The following NRP1 variants were observed in gnomAD, a reference collection of about 807,000 sequenced individuals.
NRP1 encodes neuropilin-1.
NRP1 carries 35 observed loss-of-function variants against 106.7 expected under a neutral mutation model. The observed-to-expected ratio is 0.33, with a 90% CI of 0.25 to 0.43. The LOEUF (loss-of-function observed/expected upper bound fraction) is 0.43, where lower values mean the gene tolerates loss of function less well. NRP1 is among the 20% of genes least tolerant of loss of function. The pLI is 1.00. For synonymous variants in NRP1, 437 were observed against 417.9 expected, an observed-to-expected ratio of 1.05 and a Z score of -0.56; for missense variants, 1,024 against 1,170.4, an observed-to-expected ratio of 0.87 and a Z score of 1.83.
intron 2 of NRP1, among the ~76,000 whole-genome samples, chr10:33,328,035 A>ATAAAG: frequency 6.6e-6 from 1 of 152,088 alleles, no homozygotes; most frequent in Non-Finnish European, 1.5e-5. Context: ...CAGTTGGGAC[A>ATAAAG]ATTAAGAAAT....
At chr10:33,293,304 A>G (rs1017410265) in intron 2 of NRP1, among the ~76,000 whole-genome samples, 3 of 152,174 alleles carry the variant, frequency 2.0e-5, no homozygotes, top group South Asian at 4.1e-4. Flanking sequence ...TCTTTAGTAC[A>G]TATCTTGGCA....
intron 15 of NRP1, among the ~76,000 whole-genome samples, chr10:33,185,420 A>G (rs1835935891): frequency 6.6e-6 from 1 of 152,188 alleles, no homozygotes; most frequent in Non-Finnish European, 1.5e-5. Flanking sequence ...AGCAGCCATT[A>G]TGAAGGACCT....
intron 2 of NRP1, among the ~76,000 whole-genome samples, chr10:33,310,409 C>A (rs1846515084): frequency 6.6e-6 from 1 of 151,822 alleles, no homozygotes; most frequent in African/African-American, 2.4e-5. Flanking sequence ...CACCACCACG[C>A]CTAGCTAATT....
chr10:33,328,333 A>G (rs1191492949), intron 2 of NRP1, among the ~76,000 whole-genome samples: 1 of 141,898 alleles, frequency 7.0e-6, no homozygotes, highest in Non-Finnish European at 1.5e-5. Flanking sequence ...TGCTGTTGTA[A>G]TAATTAGTAT....
At chr10:33,286,376 C>T (rs965735472) in intron 2 of NRP1, among the ~76,000 whole-genome samples, 2 of 152,184 alleles carry the variant, frequency 1.3e-5, no homozygotes, top group African/African-American at 2.4e-5. Flanking sequence ...GTTCTTATCC[C>T]TTGAATGCCT....
At chr10:33,301,320 TG>T (rs763759508) in intron 2 of NRP1, among the ~76,000 whole-genome samples, 17 of 152,298 alleles carry the variant, frequency 1.1e-4, no homozygotes, top group Non-Finnish European at 1.8e-4. Flanking sequence ...GGGTGACCTT[TG>T]GAGTGGAATT....
chr10:33,203,657 G>A (rs901967171), intron 10 of NRP1, among the ~76,000 whole-genome samples: 19 of 145,524 alleles, frequency 1.3e-4, no homozygotes, highest in Admixed American at 1.4e-4. Flanking sequence ...GCATTCCACT[G>A]TTCACAGGTA....
intron 2 of NRP1, among the ~76,000 whole-genome samples, chr10:33,289,162 C>T (rs1260447900): frequency 6.6e-6 from 1 of 152,188 alleles, no homozygotes; most frequent in Non-Finnish European, 1.5e-5. Context: ...ACACCTTAAA[C>T]TTTCAGACAT....
chr10:33,226,555 C>A (rs1329305799), intron 6 of NRP1, among the ~76,000 whole-genome samples: 1 of 152,224 alleles, frequency 6.6e-6, no homozygotes, highest in African/African-American at 2.4e-5. Flanking sequence ...CATTCCAAAG[C>A]TAACCTGAAA....
intron 2 of NRP1, among the ~76,000 whole-genome samples, chr10:33,276,309 G>A (rs999418451): frequency 1.3e-5 from 2 of 152,226 alleles, no homozygotes; most frequent in South Asian, 2.1e-4. Context: ...AATCAAAGAC[G>A]GGCTTTGCTT....
At chr10:33,260,162 C>T (rs1367034039) in intron 4 of NRP1, among the ~76,000 whole-genome samples, 1 of 152,020 alleles carries the variant, frequency 6.6e-6, no homozygotes, top group African/African-American at 2.4e-5. Context: ...CCACACCTGG[C>T]CTAAAGGTAT....
intron 2 of NRP1, among the ~76,000 whole-genome samples, chr10:33,273,215 A>G (rs984238931): frequency 1.3e-5 from 2 of 152,172 alleles, no homozygotes; most frequent in African/African-American, 4.8e-5. Flanking sequence ...TGTAAACTGG[A>G]AGGCTGCTAT....
rs1210167731 is a variant in NRP1, at chr10:33,259,276, C to G, written c.659-2805G>C. Among the ~76,000 whole-genome samples the G allele has an allele frequency of 3.6e-4, 55 of 152,166 alleles. 1 individual carries two copies. The highest frequency in any genetic ancestry group is 3.6e-3 in the Admixed American group (55 of 15,266). ...TCTGCCTTCTGTCCCTAGAACACTG[C>G]CCCCGGACAACAGCGTGCCACTCTC... is the stretch of plus-strand genomic sequence containing the variant. On this transcript the variant is annotated intron_variant, in intron 4 of 16. Transcript: ENST00000374867.
At chr10:33,222,085 T>C (rs1839291151) in intron 7 of NRP1, among the ~76,000 whole-genome samples, 1 of 152,186 alleles carries the variant, frequency 6.6e-6, no homozygotes, top group African/African-American at 2.4e-5. Context: ...TCTGAGAGGC[T>C]AGAGTCTTTA....
Position 33,199,389 on chromosome 10 carries a change from ATTTTTTTTTTTTTT to A in NRP1, c.1865-1694_1865-1681del, listed in dbSNP as rs1160327036. Among the ~76,000 whole-genome samples the A allele has an allele frequency of 5.4e-4, 20 of 36,832 alleles. 1 individual carries two copies. The highest frequency in any genetic ancestry group is 1.9e-3 in the African/African-American group (17 of 8,778). The allele number at this position is 36,832 out of a possible 152,430, so 24.2% of individuals were successfully genotyped here. Reference sequence around the variant, plus strand: ...TTTCTATATATATATATATATATATATTTTTTTTTTTTTTTTTTTTTTTTTTTTTTTTGGCGGAG... The same window carrying A: ...TTTCTATATATATATATATATATATATTTTTTTTTTTTTTTTTTGGCGGAG... On this transcript the variant is annotated intron_variant, in intron 11 of 16. Transcript: ENST00000374867.
chr10:33,245,039 A>G (rs1412560152), intron 6 of NRP1, among the ~76,000 whole-genome samples: 2 of 152,222 alleles, frequency 1.3e-5, no homozygotes, highest in African/African-American at 4.8e-5. Context: ...ATAAGCAGGA[A>G]GGTTTATGAA....
intron 9 of NRP1, chr10:33,212,385 T>G (rs1469557786): frequency 1.3e-5 from 2 of 152,212 alleles, no homozygotes. Context: ...ATAACACTGA[T>G]GGCCCTTGAA....
intron 6 of NRP1, among the ~76,000 whole-genome samples, chr10:33,242,624 A>G (rs1472129725): frequency 6.6e-6 from 1 of 152,114 alleles, no homozygotes; most frequent in Non-Finnish European, 1.5e-5. Context: ...ATTTCATATG[A>G]TTTTCTAACT....
chr10:33,263,663 C>T lies in NRP1; in HGVS notation c.641G>A (p.Trp214Ter). The T allele has an allele frequency of 1.2e-6, 2 of 1,613,890 alleles. No individual in the cohort carries two copies. Among genetic ancestry groups the T allele is most frequent in the Non-Finnish European group, 1.7e-6 (2 of 1,179,868 alleles). The change falls in exon 4 of 17, where the codon TGG (tryptophan) becomes TAG (stop). Residue 214 changes from tryptophan to a stop codon, truncating the protein, a stop_gained. Transcript: ENST00000374867. LOFTEE classifies it high-confidence loss of function. ...MFCRYDRLEIWDGFPDVGPHI... is the reference protein window; with the variant it reads ...MFCRYDRLEI ...ATTCTTACCATCAGGGAATCCATCC[C>T]AGATTTCTAGCCGGTCGTAGCGACA... is the stretch of plus-strand genomic sequence containing the variant.
Sources: allele counts gnomAD v4.1 joint callset (sites outside exome capture counted in the v4.1 genomes callset), GRCh38; gene constraint gnomAD v4.1.1; transcripts MANE v1.5; gene names NCBI Gene and HGNC (gene_info 2026-07-23, HGNC 2026-07-21).